Variants in PDE10A observed in about 807,000 individuals in gnomAD.
PDE10A encodes the protein phosphodiesterase 10A, also known as cAMP and cAMP-inhibited cGMP 3',5'-cyclic phosphodiesterase 10A.
PDE10A carries 39 observed loss-of-function variants against 97.7 expected under a neutral mutation model. The observed-to-expected ratio is 0.40, with a 90% confidence interval of 0.31 to 0.52. The LOEUF is 0.52. Ranked by LOEUF, PDE10A falls within the 20% of genes least tolerant of loss-of-function variation. The pLI is 0.56. For synonymous variants in PDE10A, 371 were observed against 376.8 expected (o/e 0.98, Z 0.18); for missense variants, 731 against 1,047.8 (o/e 0.70, Z 4.17).
At chr6:165,750,534 A>G (rs535146122) in intron 1 of PDE10A, among the ~76,000 whole-genome samples, 14 of 152,206 alleles carry the variant, frequency 9.2e-5, no homozygotes, top group African/African-American at 2.9e-4. Flanking sequence ...TCAAGGGCGA[A>G]TTTATTTCCC....
intron 2 of PDE10A, among the ~76,000 whole-genome samples, chr6:165,530,269 A>ATG (rs71026692): frequency 0.016 from 2,359 of 148,208 alleles, 35 homozygotes; most frequent in African/African-American, 0.04. Context: ...CTCTTTATAT[A>ATG]TGTGTGTGTG....
intron 1 of PDE10A, among the ~76,000 whole-genome samples, chr6:165,693,472 A>G (rs4709968): frequency 0.11 from 14,204 of 132,000 alleles, 1,147 homozygotes; most frequent in East Asian, 0.3. Context: ...CAGAGGTTGC[A>G]GTGAGCTGAG....
chr6:165,590,407 A>C (rs955845835), intron 1 of PDE10A, among the ~76,000 whole-genome samples: 2 of 152,242 alleles, frequency 1.3e-5, no homozygotes, highest in African/African-American at 4.8e-5. Flanking sequence ...TGCAGTCACA[A>C]GAGTAGAAAT....
intron 1 of PDE10A, chr6:165,939,369 T>G (rs1562807414): frequency 6.6e-6 from 1 of 152,254 alleles, no homozygotes; most frequent in Non-Finnish European, 1.5e-5. Context: ...ATTTTTACAT[T>G]TTTTAAAACG....
intron 1 of PDE10A, among the ~76,000 whole-genome samples, chr6:165,869,244 G>A (rs1255692398): frequency 6.6e-6 from 1 of 151,858 alleles, no homozygotes; most frequent in Non-Finnish European, 1.5e-5. Flanking sequence ...ATTCGGTAAA[G>A]TTGCAGAATA....
chr6:165,849,328 ATG>A, intron 1 of PDE10A, among the ~76,000 whole-genome samples: 1 of 152,186 alleles, frequency 6.6e-6, no homozygotes, highest in South Asian at 2.1e-4. Context: ...TATCGAACCC[ATG>A]TTTAAATCCA....
At chr6:165,559,364 G>T (rs1784413505) in intron 1 of PDE10A, among the ~76,000 whole-genome samples, 1 of 152,152 alleles carries the variant, frequency 6.6e-6, no homozygotes, top group Non-Finnish European at 1.5e-5. Flanking sequence ...TTTACAAGTG[G>T]ATTAGATTTC....
intron 1 of PDE10A, chr6:165,781,969 G>T (rs958524981): frequency 2.0e-5 from 3 of 152,112 alleles, no homozygotes; most frequent in African/African-American, 7.2e-5. Context: ...AACATTTTTG[G>T]TTGTGACATC....
intron 1 of PDE10A, among the ~76,000 whole-genome samples, chr6:165,687,887 A>G (rs144085434): frequency 5.4e-4 from 82 of 152,282 alleles, no homozygotes; most frequent in African/African-American, 1.8e-3. Flanking sequence ...TGGAAGCTTG[A>G]AATGTGGGGC....
At position 165,691,106 on chromosome 6, in the gene PDE10A, T is replaced by TCTCCCC. The variant is rs143783728; in HGVS notation, c.-614-147539_-614-147538insGGGGAG. 2.0e-4 allele frequency among the ~76,000 whole-genome samples: 8 copies of TCTCCCC among 39,128 alleles called. 2 individuals are homozygous for TCTCCCC. Among genetic ancestry groups the TCTCCCC allele is most frequent in the Non-Finnish European group, 3.2e-4 (7 of 22,044 alleles). The allele number at this position is 39,128 out of a possible 152,430, so 25.7% of individuals were successfully genotyped here. On this transcript the variant is annotated intron_variant, in intron 1 of 19. Transcript: ENST00000366882. Reference sequence around the variant, plus strand: ...CTCTCTCTCTCTCTCTCTTTCTCTCTCCCCCCCCCCATCAGTGCCTGTGGT... The same window carrying TCTCCCC: ...CTCTCTCTCTCTCTCTCTTTCTCTCTCTCCCCCCCCCCCCCCATCAGTGCCTGTGGT...
intron 1 of PDE10A, among the ~76,000 whole-genome samples, chr6:165,728,029 A>G (rs1299406252): frequency 6.6e-6 from 1 of 152,198 alleles, no homozygotes; most frequent in Non-Finnish European, 1.5e-5. Context: ...AAACTAGGAA[A>G]AAATCCAACA....
At chr6:165,793,478 C>T (rs749630165) in intron 1 of PDE10A, among the ~76,000 whole-genome samples, 16 of 152,000 alleles carry the variant, frequency 1.1e-4, no homozygotes, top group Non-Finnish European at 1.8e-4. Flanking sequence ...GCCTGAGACC[C>T]GGGGCTGGGG....
At chr6:165,562,021 A>G (rs1183479910) in intron 1 of PDE10A, among the ~76,000 whole-genome samples, 1 of 152,120 alleles carries the variant, frequency 6.6e-6, no homozygotes, top group Non-Finnish European at 1.5e-5. Flanking sequence ...CTGTAATCCC[A>G]ATACTTAAGG....
intron 1 of PDE10A, among the ~76,000 whole-genome samples, chr6:165,567,993 C>CCT (rs370865492): frequency 0.49 from 55,269 of 112,578 alleles, 16,118 homozygotes; most frequent in Non-Finnish European, 0.65. Flanking sequence ...CGCAACAAGG[C>CCT]ATTTTTTTTT....
At chr6:165,833,883 A>C (rs1780001005) in intron 1 of PDE10A, among the ~76,000 whole-genome samples, 1 of 152,204 alleles carries the variant, frequency 6.6e-6, no homozygotes, top group African/African-American at 2.4e-5. Flanking sequence ...CCATCAGCCA[A>C]AAGGTCTAGC....
intron 1 of PDE10A, among the ~76,000 whole-genome samples, chr6:165,746,024 T>C (rs1792835413): frequency 6.6e-6 from 1 of 152,210 alleles, no homozygotes; most frequent in South Asian, 2.1e-4. Flanking sequence ...CTGAAATAAT[T>C]AGCCATGCAC....
intron 1 of PDE10A, among the ~76,000 whole-genome samples, chr6:165,741,776 C>T (rs902232827): frequency 1.3e-5 from 2 of 151,900 alleles, no homozygotes; most frequent in East Asian, 3.9e-4. Context: ...TGATTGTGGG[C>T]AAATAGCAAG....
intron 1 of PDE10A, among the ~76,000 whole-genome samples, chr6:165,743,632 C>T (rs556910036): frequency 6.6e-6 from 1 of 152,194 alleles, no homozygotes; most frequent in Non-Finnish European, 1.5e-5. Flanking sequence ...ATACACACAG[C>T]AGACCCTAGA....
At chr6:165,914,002 T>G (rs983434015) in intron 1 of PDE10A, among the ~76,000 whole-genome samples, 1 of 152,226 alleles carries the variant, frequency 6.6e-6, no homozygotes, top group African/African-American at 2.4e-5. Flanking sequence ...TTCCAAAAAT[T>G]TCAATATTCT....
Sources: allele counts gnomAD v4.1 joint callset (sites outside exome capture counted in the v4.1 genomes callset), GRCh38; gene constraint gnomAD v4.1.1; transcripts MANE v1.5; gene names NCBI Gene and HGNC (gene_info 2026-07-23, HGNC 2026-07-21).